Variants in CLVS1 observed in about 807,000 individuals in gnomAD.
CLVS1 encodes the protein clavesin 1.
CLVS1 carries 10 observed loss-of-function variants against 33.1 expected under a neutral mutation model. The observed-to-expected ratio is 0.30, with a 90% CI of 0.19 to 0.51. The LOEUF (loss-of-function observed/expected upper bound fraction) is 0.51. Among genes scored for constraint, CLVS1 ranks in the 20% least tolerant of loss-of-function variants. The pLI is 0.97. For missense variants in CLVS1, 343 were observed against 433.4 expected (o/e 0.79, Z 1.85); for synonymous variants, 163 against 166.1 (o/e 0.98, Z 0.14).
chr8:61,255,373 T>C (rs1809056475), intron 2 of CLVS1, among the ~76,000 whole-genome samples: 1 of 144,204 alleles, frequency 6.9e-6, no homozygotes. Flanking sequence ...CCGTTATTCA[T>C]TCAATCAGCA....
chr8:61,451,713 G>A (rs1371372922), intron 3 of CLVS1, among the ~76,000 whole-genome samples: 1 of 151,850 alleles, frequency 6.6e-6, no homozygotes, highest in East Asian at 1.9e-4. Flanking sequence ...ATGTGATCAG[G>A]CAAGAGGCAA....
At chr8:61,055,987 G>A (rs1186639049), upstream of CLVS1, among the ~76,000 whole-genome samples, 1 of 152,236 alleles carries the variant, frequency 6.6e-6, no homozygotes, top group Non-Finnish European at 1.5e-5. Flanking sequence ...TGGCTGGGGG[G>A]AGAAAAGCTC....
At chr8:61,483,449 A>G (rs1803745103) in intron 5 of CLVS1, among the ~76,000 whole-genome samples, 1 of 152,228 alleles carries the variant, frequency 6.6e-6, no homozygotes, top group Non-Finnish European at 1.5e-5. Flanking sequence ...TGCAATAATT[A>G]ATAGCCTACC....
intron 1 of CLVS1, among the ~76,000 whole-genome samples, chr8:61,293,874 T>C (rs1563481238): frequency 6.6e-6 from 1 of 152,170 alleles, no homozygotes; most frequent in Non-Finnish European, 1.5e-5. Flanking sequence ...CAAATATGGC[T>C]ATTGTTTCTT....
chr8:61,117,425 A>C (rs1332146732), intron 1 of CLVS1, among the ~76,000 whole-genome samples: 1 of 151,928 alleles, frequency 6.6e-6, no homozygotes, highest in African/African-American at 2.4e-5. Flanking sequence ...AGGAGTGGTG[A>C]GAGAGGGCAT....
At chr8:61,276,660 T>G (rs144025409) in intron 2 of CLVS1, among the ~76,000 whole-genome samples, 1 of 152,348 alleles carries the variant, frequency 6.6e-6, no homozygotes, top group African/African-American at 2.4e-5. Flanking sequence ...TTAATCAGGT[T>G]TGCATTCCTA....
the CLVS1 span, among the ~76,000 whole-genome samples, chr8:61,001,753 G>A: frequency 1.3e-5 from 2 of 152,238 alleles, no homozygotes; most frequent in Non-Finnish European, 2.9e-5. Context: ...CCCAAGCTCC[G>A]GCTAAACTCA....
At chr8:61,377,977 C>T (rs539027220) in intron 3 of CLVS1, 1 of 152,324 alleles carries the variant, frequency 6.6e-6, no homozygotes, top group East Asian at 1.9e-4. Flanking sequence ...TCATAGACTT[C>T]TGTGTTCTTT....
the CLVS1 span, among the ~76,000 whole-genome samples, chr8:61,004,304 C>A: frequency 6.6e-6 from 1 of 152,218 alleles, no homozygotes; most frequent in Non-Finnish European, 1.5e-5. Context: ...CCACTTCAAT[C>A]TGCAGTCTCT....
chr8:60,971,685 G>A, the CLVS1 span, among the ~76,000 whole-genome samples: 6 of 152,162 alleles, frequency 3.9e-5, no homozygotes, highest in Non-Finnish European at 4.4e-5. Context: ...AGGAATCCCT[G>A]AGTGAGTTGC....
At chr8:61,283,013 T>C (rs941642038), upstream of CLVS1, among the ~76,000 whole-genome samples, 1 of 152,214 alleles carries the variant, frequency 6.6e-6, no homozygotes, top group African/African-American at 2.4e-5. Flanking sequence ...GACAGGAATA[T>C]TGGATAACGG....
chr8:61,392,388 G>A (rs547735845), intron 3 of CLVS1, among the ~76,000 whole-genome samples: 38 of 152,050 alleles, frequency 2.5e-4, no homozygotes, highest in Admixed American at 4.6e-4. Context: ...TTGTTGATTG[G>A]TGCTGACTAA....
At chr8:61,092,000 C>T (rs1299652174) in intron 1 of CLVS1, among the ~76,000 whole-genome samples, 1 of 152,138 alleles carries the variant, frequency 6.6e-6, no homozygotes, top group African/African-American at 2.4e-5. Context: ...GGTCTTCATC[C>T]TCATGTTTAC....
At chr8:61,486,247 T>C (rs1803878664) in intron 5 of CLVS1, among the ~76,000 whole-genome samples, 1 of 152,178 alleles carries the variant, frequency 6.6e-6, no homozygotes, top group Non-Finnish European at 1.5e-5. Flanking sequence ...TGCTTTTTGC[T>C]TAGTTTTTTT....
chr8:61,178,915 A>G (rs1807173650), intron 2 of CLVS1, among the ~76,000 whole-genome samples: 2 of 152,226 alleles, frequency 1.3e-5, no homozygotes, highest in Non-Finnish European at 1.5e-5. Context: ...AAAACCAATG[A>G]CACTATGAAT....
chr8:61,152,682 C>A (rs993013792), intron 2 of CLVS1, among the ~76,000 whole-genome samples: 6 of 152,142 alleles, frequency 3.9e-5, no homozygotes, highest in Non-Finnish European at 8.8e-5. Context: ...TAGCACCTCT[C>A]AAAGGCCCCA....
intron 2 of CLVS1, among the ~76,000 whole-genome samples, chr8:61,361,861 C>T (rs188582987): frequency 5.4e-4 from 82 of 152,156 alleles, no homozygotes; most frequent in Non-Finnish European, 2.1e-4. Context: ...AAGTGTGTTG[C>T]AATAGGAAGT....
At chr8:61,409,972 T>C (rs1815152292) in intron 3 of CLVS1, among the ~76,000 whole-genome samples, 1 of 151,942 alleles carries the variant, frequency 6.6e-6, no homozygotes, top group Non-Finnish European at 1.5e-5. Flanking sequence ...TTATTATGTT[T>C]TTCTTAACTT....
chr8:61,398,181 CTTTTT>C (rs545959573), intron 3 of CLVS1, among the ~76,000 whole-genome samples: 1 of 125,928 alleles, frequency 7.9e-6, no homozygotes, highest in Non-Finnish European at 1.7e-5. Context: ...ATAAGCTTTA[CTTTTT>C]TTTTTTTTTT....
Sources: gnomAD v4.1 joint callset for allele counts (sites outside exome capture counted in the v4.1 genomes callset) on GRCh38, gnomAD v4.1.1 for gene constraint, MANE v1.5 for transcripts, NCBI Gene and HGNC (gene_info 2026-07-23, HGNC 2026-07-21) for gene names.